Variants in TCF7L2 observed in about 807,000 individuals in gnomAD.
The protein encoded by TCF7L2 is transcription factor 7 like 2, also known as transcription factor 7-like 2.
TCF7L2 carries 23 observed loss-of-function variants against 77.9 expected under a neutral mutation model. The ratio of observed to expected loss-of-function variants is 0.30; its 90% CI spans 0.21 to 0.42. TCF7L2 has a LOEUF of 0.42. Among genes scored for constraint, TCF7L2 ranks in the 10% least tolerant of loss-of-function variants. The pLI is 1.00. For missense variants in TCF7L2, 654 were observed against 793.1 expected (o/e 0.82, Z 2.11); for synonymous variants, 413 against 340.2 (o/e 1.21, Z -2.36).
At chr10:112,976,076 T>C (rs1467964350) in intron 4 of TCF7L2, among the ~76,000 whole-genome samples, 1 of 152,224 alleles carries the variant, frequency 6.6e-6, no homozygotes, top group African/African-American at 2.4e-5. Flanking sequence ...GAGTGTCGGC[T>C]CTGCTAAGCT....
chr10:113,160,559 A>G (rs547138631), intron 12 of TCF7L2: 20 of 1,480,228 alleles, frequency 1.4e-5, no homozygotes, highest in Admixed American at 2.1e-5. Context: ...GAGATTTCAC[A>G]TCCAACTGAG....
intron 4 of TCF7L2, among the ~76,000 whole-genome samples, chr10:112,991,117 AC>A (rs376526263): frequency 3.2e-4 from 48 of 152,058 alleles, no homozygotes; most frequent in African/African-American, 1.2e-3. Flanking sequence ...TTGTCTCAGC[AC>A]CTTTGGGGAC....
At chr10:113,120,109 C>T (rs1473669282) in intron 5 of TCF7L2, among the ~76,000 whole-genome samples, 2 of 152,104 alleles carry the variant, frequency 1.3e-5, no homozygotes, top group South Asian at 2.1e-4. Flanking sequence ...CCAGAGGCTC[C>T]GCCAATAAAA....
intron 5 of TCF7L2, among the ~76,000 whole-genome samples, chr10:113,053,662 C>T (rs527563649): frequency 1.3e-4 from 20 of 152,266 alleles, no homozygotes; most frequent in African/African-American, 4.3e-4. Context: ...ATAAAAGCCT[C>T]ATTTTGATCG....
At chr10:113,089,490 A>T in intron 5 of TCF7L2, 1 of 1,613,906 alleles carries the variant, frequency 6.2e-7, no homozygotes, top group Non-Finnish European at 8.5e-7. Flanking sequence ...CTTCAGGGAC[A>T]TGAAAAGGAG....
At chr10:113,084,883 G>A (rs996167631) in intron 5 of TCF7L2, among the ~76,000 whole-genome samples, 4 of 149,596 alleles carry the variant, frequency 2.7e-5, no homozygotes, top group African/African-American at 9.9e-5. Flanking sequence ...GTGACAAAGT[G>A]AGACTCTGTC....
At chr10:113,135,082 G>C (rs2067198940) in intron 5 of TCF7L2, among the ~76,000 whole-genome samples, 1 of 152,238 alleles carries the variant, frequency 6.6e-6, no homozygotes, top group South Asian at 2.1e-4. Flanking sequence ...CACAGTTATA[G>C]AGCCTTGTGG....
chr10:113,118,520 G>GGGGTGTGTGT (rs1555084613), intron 5 of TCF7L2, among the ~76,000 whole-genome samples: 2 of 141,442 alleles, frequency 1.4e-5, no homozygotes, highest in Non-Finnish European at 3.0e-5. Context: ...TCATCTGGGG[G>GGGGTGTGTGT]GTGTGTGTGT....
chr10:112,974,451 GT>G (rs1195617808), intron 4 of TCF7L2, among the ~76,000 whole-genome samples: 1 of 151,542 alleles, frequency 6.6e-6, no homozygotes, highest in Non-Finnish European at 1.5e-5. Flanking sequence ...CTTTTTTTTT[GT>G]TTTTGTTTTT....
intron 5 of TCF7L2, chr10:113,132,202 A>G (rs1474990296): frequency 1.2e-4 from 18 of 152,096 alleles, no homozygotes; most frequent in Non-Finnish European, 4.4e-5. Flanking sequence ...CTCTTGGCTT[A>G]CCTCCTCTTT....
At chr10:112,962,470 C>T (rs1262824936) in intron 3 of TCF7L2, among the ~76,000 whole-genome samples, 2 of 152,164 alleles carry the variant, frequency 1.3e-5, no homozygotes, top group African/African-American at 4.8e-5. Flanking sequence ...GTTGTTTTAA[C>T]ATGATGCAGA....
At chr10:113,066,198 A>C (rs777118245) in intron 5 of TCF7L2, among the ~76,000 whole-genome samples, 10 of 152,192 alleles carry the variant, frequency 6.6e-5, no homozygotes, top group African/African-American at 2.2e-4. Context: ...CCCTGTCTCT[A>C]CTAAAAATAA....
At chr10:113,124,062 T>C (rs1228524150) in intron 5 of TCF7L2, among the ~76,000 whole-genome samples, 1 of 152,104 alleles carries the variant, frequency 6.6e-6, no homozygotes. Context: ...ATAAACATTA[T>C]GGGGTGTGTG....
At chr10:113,099,622 C>T (rs1479393582) in intron 5 of TCF7L2, among the ~76,000 whole-genome samples, 1 of 152,202 alleles carries the variant, frequency 6.6e-6, no homozygotes, top group Non-Finnish European at 1.5e-5. Context: ...TGCTTGTCCT[C>T]CCCCTGGGAA....
chr10:113,108,754 A>G (rs1276670789), intron 5 of TCF7L2, among the ~76,000 whole-genome samples: 1 of 152,194 alleles, frequency 6.6e-6, no homozygotes, highest in Non-Finnish European at 1.5e-5. Context: ...CGTGGCCGTC[A>G]TTTCTGCAGG....
At chr10:113,097,317 C>G (rs940110857) in intron 5 of TCF7L2, among the ~76,000 whole-genome samples, 1 of 152,158 alleles carries the variant, frequency 6.6e-6, no homozygotes, top group African/African-American at 2.4e-5. Flanking sequence ...TGTCACAACT[C>G]TCTCTCAGGA....
chr10:113,147,745 A>T (rs2069782409), intron 8 of TCF7L2, among the ~76,000 whole-genome samples: 1 of 152,024 alleles, frequency 6.6e-6, no homozygotes, highest in Non-Finnish European at 1.5e-5. Context: ...ATGTTTGTTT[A>T]TTTGGTGCGT....
At chr10:113,036,749 A>G (rs116591429) in intron 4 of TCF7L2, among the ~76,000 whole-genome samples, 1,857 of 152,096 alleles carry the variant, frequency 0.012, 34 homozygotes, top group African/African-American at 0.042. Context: ...AGGAATTCCC[A>G]CAGCCCCATT....
Position 113,157,785 on chromosome 10 carries a change from TCAC to T in TCF7L2, c.1270-231_1270-229del. On this transcript the variant is annotated intron_variant, in intron 11 of 13. Transcript: ENST00000627217. ...GTACATGAGAAATGAGAGCTTCCCT[TCAC>T]CACCCGCCAATCCCTTCTCTGCTCC... The T allele has an allele frequency of 6.3e-6, 3 of 475,282 alleles. No homozygotes were observed. The South Asian group carries it at 7.2e-5, about 11-fold the overall frequency. 29.4% of individuals were successfully genotyped at this position (475,282 alleles called of 1,614,324 possible). A position where few individuals can be genotyped will look rare whatever the true frequency, so the allele number is the denominator to read the frequency against.
Sources: gnomAD v4.1 joint callset for allele counts (sites outside exome capture counted in the v4.1 genomes callset) on GRCh38, gnomAD v4.1.1 for gene constraint, MANE v1.5 for transcripts, NCBI Gene and HGNC (gene_info 2026-07-23, HGNC 2026-07-21) for gene names.